Variants in SUPT3H observed in about 807,000 individuals in gnomAD.
The protein encoded by SUPT3H is SPT3 homolog, SAGA and STAGA complex component.
In SUPT3H, 44 loss-of-function variants were observed where a neutral mutation model predicts 44.3. That is an observed-to-expected ratio of 0.99 (90% CI 0.78 to 1.28). The LOEUF (loss-of-function observed/expected upper bound fraction) is 1.28. SUPT3H is among the 50% of genes most tolerant of loss of function. The pLI is 0.00. For synonymous variants in SUPT3H, 124 were observed against 125.6 expected, an observed-to-expected ratio of 0.99 and a Z score of 0.09; for missense variants, 380 against 387.1, an observed-to-expected ratio of 0.98 and a Z score of 0.15.
chr6:45,283,242 C>A (rs1207710537), intron 2 of SUPT3H, among the ~76,000 whole-genome samples: 1 of 152,158 alleles, frequency 6.6e-6, no homozygotes, highest in Non-Finnish European at 1.5e-5. Context: ...ACAATATTAA[C>A]CTTAAATGTA....
chr6:44,833,062 A>ATT (rs1769155970), intron 10 of SUPT3H, among the ~76,000 whole-genome samples: 1 of 152,170 alleles, frequency 6.6e-6, no homozygotes, highest in Non-Finnish European at 1.5e-5. Context: ...ATTACTGCGT[A>ATT]TTATGTTTGC....
intron 2 of SUPT3H, among the ~76,000 whole-genome samples, chr6:45,185,114 C>T (rs140150004): frequency 2.1e-3 from 318 of 152,246 alleles, no homozygotes; most frequent in African/African-American, 7.1e-3. Flanking sequence ...TTTTACATTC[C>T]CCTCTGTGGA....
At chr6:45,073,328 A>G (rs1794630944) in intron 3 of SUPT3H, among the ~76,000 whole-genome samples, 1 of 152,032 alleles carries the variant, frequency 6.6e-6, no homozygotes, top group South Asian at 2.1e-4. Context: ...TTGTTAATTA[A>G]TTAGACTACC....
At chr6:45,356,556 C>A (rs1271404961) in intron 2 of SUPT3H, among the ~76,000 whole-genome samples, 1 of 151,956 alleles carries the variant, frequency 6.6e-6, no homozygotes, top group Admixed American at 6.6e-5. Context: ...TGCCACCACG[C>A]CTGGCTAATG....
intron 2 of SUPT3H, among the ~76,000 whole-genome samples, chr6:45,273,559 T>TA (rs1363823060): frequency 3.3e-5 from 5 of 152,076 alleles, no homozygotes; most frequent in African/African-American, 4.8e-5. Flanking sequence ...TTTTGTTGTT[T>TA]AAAAAAAATG....
intron 3 of SUPT3H, among the ~76,000 whole-genome samples, chr6:45,092,249 T>C (rs1033322976): frequency 6.6e-6 from 1 of 152,112 alleles, no homozygotes; most frequent in Non-Finnish European, 1.5e-5. Context: ...TTAGATTAAA[T>C]ACATTCTGGG....
intron 10 of SUPT3H, among the ~76,000 whole-genome samples, chr6:44,925,618 T>A (rs905232781): frequency 3.9e-5 from 6 of 152,154 alleles, no homozygotes; most frequent in African/African-American, 1.4e-4. Flanking sequence ...CATTGAGAGC[T>A]AGGCTTGAGT....
chr6:44,944,204 C>T (rs1169889921), intron 9 of SUPT3H, among the ~76,000 whole-genome samples: 3 of 151,350 alleles, frequency 2.0e-5, no homozygotes, highest in Non-Finnish European at 4.4e-5. Context: ...GTAATAACTC[C>T]CAAGTATACT....
intron 2 of SUPT3H, among the ~76,000 whole-genome samples, chr6:45,271,439 C>T (rs1239371552): frequency 5.9e-5 from 9 of 152,164 alleles, no homozygotes; most frequent in Admixed American, 3.9e-4. Flanking sequence ...AGGTATAGCT[C>T]GGGCTGTGGC....
intron 2 of SUPT3H, among the ~76,000 whole-genome samples, chr6:45,189,970 G>A (rs1814862650): frequency 6.6e-6 from 1 of 152,098 alleles, no homozygotes; most frequent in Non-Finnish European, 1.5e-5. Context: ...TTTGGAACTA[G>A]GCCAAGGGAA....
intron 10 of SUPT3H, among the ~76,000 whole-genome samples, chr6:44,900,888 C>T (rs981985200): frequency 4.6e-5 from 7 of 152,164 alleles, no homozygotes; most frequent in East Asian, 1.9e-4. Context: ...CTGCAGCCTC[C>T]GCTTTTGATA....
chr6:45,181,371 T>C (rs1813139872), intron 2 of SUPT3H, among the ~76,000 whole-genome samples: 2 of 151,850 alleles, frequency 1.3e-5, no homozygotes, highest in African/African-American at 4.9e-5. Context: ...ACTGGGTATA[T>C]ACCCAAAGGA....
At chr6:45,019,743 A>G (rs953585673) in intron 4 of SUPT3H, among the ~76,000 whole-genome samples, 3 of 152,016 alleles carry the variant, frequency 2.0e-5, no homozygotes, top group Non-Finnish European at 2.9e-5. Flanking sequence ...ACTTTAAAAA[A>G]TCCTACAGTC....
chr6:44,852,410 A>C (rs1214473656), intron 10 of SUPT3H, among the ~76,000 whole-genome samples: 1 of 152,128 alleles, frequency 6.6e-6, no homozygotes, highest in Non-Finnish European at 1.5e-5. Context: ...ACATCAAAAA[A>C]GGCTTTGGAG....
At chr6:45,032,782 T>C (rs866555839) in intron 3 of SUPT3H, among the ~76,000 whole-genome samples, 4 of 152,266 alleles carry the variant, frequency 2.6e-5, no homozygotes, top group Non-Finnish European at 5.9e-5. Flanking sequence ...CAGGTCCTCA[T>C]AGAACTTCAG....
At chr6:45,327,983 G>A (rs1584930916) in intron 2 of SUPT3H, among the ~76,000 whole-genome samples, 1 of 152,062 alleles carries the variant, frequency 6.6e-6, no homozygotes, top group East Asian at 1.9e-4. Context: ...AGGTTGAGCG[G>A]GGAGTAGAAA....
downstream of SUPT3H, among the ~76,000 whole-genome samples, chr6:44,822,212 G>C (rs921185799): frequency 2.0e-5 from 3 of 152,164 alleles, no homozygotes; most frequent in African/African-American, 7.2e-5. Context: ...TTGATTGCTT[G>C]ATTTTCATAG....
Position 44,947,419 on chromosome 6 carries a change from G to T in SUPT3H, c.801+5891C>A, listed in dbSNP as rs184367085. 2.1e-3 allele frequency among the ~76,000 whole-genome samples: 325 copies of T among 151,782 alleles called. 1 individual carries two copies. Among genetic ancestry groups the T allele is most frequent in the African/African-American group, 7.6e-3 (311 of 41,136 alleles). ...TGTACAGCATTTTCAGTAATAAAAAGAGATATTTCATAAATATAAAAAAGA... is the reference window on the plus strand; with the variant it reads ...TGTACAGCATTTTCAGTAATAAAAATAGATATTTCATAAATATAAAAAAGA... On this transcript the variant is annotated intron_variant, in intron 9 of 10. Transcript: ENST00000371459.
intron 3 of SUPT3H, among the ~76,000 whole-genome samples, chr6:45,085,183 T>C (rs904983218): frequency 1.3e-5 from 2 of 152,162 alleles, no homozygotes; most frequent in African/African-American, 4.8e-5. Flanking sequence ...CAAACATCTA[T>C]ACATTTGCAC....
Sources: allele counts gnomAD v4.1 joint callset (sites outside exome capture counted in the v4.1 genomes callset), GRCh38; gene constraint gnomAD v4.1.1; transcripts MANE v1.5; gene names NCBI Gene and HGNC (gene_info 2026-07-23, HGNC 2026-07-21).